Variants in ERC2 observed in about 807,000 individuals in gnomAD.
The protein encoded by ERC2 is ERC protein 2.
ERC2 carries 42 observed loss-of-function variants against 114.8 expected under a neutral mutation model. That is an observed-to-expected ratio of 0.37 (90% CI 0.29 to 0.47). The LOEUF (loss-of-function observed/expected upper bound fraction) is 0.47, where lower values mean the gene tolerates loss of function less well. ERC2 is among the 20% of genes least tolerant of loss of function. The pLI is 0.99. For missense variants in ERC2, 939 were observed against 1,150.7 expected (o/e 0.82, Z 2.66); for synonymous variants, 454 against 425.5 (o/e 1.07, Z -0.82).
chr3:56,318,961 C>CAAA lies in ERC2; in HGVS notation c.658-22529_658-22527dup, dbSNP rs35256298. On this transcript the variant is annotated intron_variant, in intron 2 of 17. Coordinates refer to ENST00000288221, the MANE Select transcript of ERC2 (RefSeq NM_015576.3). ...TGGGTGACACAGTAAGACCCTGTCTCAAAAAAAAAAAAAAAAAAAAAGATA... is the reference window on the plus strand; with the variant it reads ...TGGGTGACACAGTAAGACCCTGTCTCAAAAAAAAAAAAAAAAAAAAAAAAGATA... 1.0e-3 allele frequency among the ~76,000 whole-genome samples: 85 copies of CAAA among 81,540 alleles called. 1 individual carries two copies. Among genetic ancestry groups the CAAA allele is most frequent in the African/African-American group, 3.5e-3 (72 of 20,570 alleles). 53.5% of individuals were successfully genotyped at this position (81,540 alleles called of 152,430 possible). A position where few individuals can be genotyped will look rare whatever the true frequency, so the allele number is the denominator to read the frequency against.
At chr3:56,406,625 A>C (rs944499361) in intron 2 of ERC2, among the ~76,000 whole-genome samples, 2 of 152,160 alleles carry the variant, frequency 1.3e-5, no homozygotes. Context: ...TTCATTTTAC[A>C]CTGAGTCTTG....
intron 17 of ERC2, among the ~76,000 whole-genome samples, chr3:55,567,934 T>C (rs2056476418): frequency 6.6e-6 from 1 of 152,206 alleles, no homozygotes; most frequent in African/African-American, 2.4e-5. Context: ...GGCTTCCCTC[T>C]TTGGGCCCTT....
chr3:56,224,503 T>C (rs2050126773), intron 3 of ERC2, among the ~76,000 whole-genome samples: 1 of 152,130 alleles, frequency 6.6e-6, no homozygotes, highest in African/African-American at 2.4e-5. Context: ...AGGAGAGTAC[T>C]TGTTTATTAT....
At chr3:55,700,916 G>T (rs1053677227) in intron 15 of ERC2, among the ~76,000 whole-genome samples, 5 of 152,076 alleles carry the variant, frequency 3.3e-5, no homozygotes, top group African/African-American at 1.2e-4. Context: ...GAATGAAGGG[G>T]CCATGATTTT....
chr3:55,731,651 A>G (rs1168351246), intron 15 of ERC2, among the ~76,000 whole-genome samples: 1 of 152,222 alleles, frequency 6.6e-6, no homozygotes, highest in Non-Finnish European at 1.5e-5. Context: ...GGTCTCCTTA[A>G]GCATTATGGT....
intron 2 of ERC2, among the ~76,000 whole-genome samples, chr3:56,346,844 C>T (rs1322612865): frequency 6.6e-6 from 1 of 152,128 alleles, no homozygotes; most frequent in Non-Finnish European, 1.5e-5. Flanking sequence ...CTGCATCCTC[C>T]AATGGAGAAA....
intron 3 of ERC2, among the ~76,000 whole-genome samples, chr3:56,183,983 A>C (rs954421331): frequency 2.6e-5 from 4 of 152,176 alleles, no homozygotes; most frequent in Non-Finnish European, 5.9e-5. Flanking sequence ...GAAATAGATA[A>C]ATACAGTAGG....
chr3:55,752,920 T>C (rs756760190), intron 14 of ERC2, among the ~76,000 whole-genome samples: 33 of 152,226 alleles, frequency 2.2e-4, no homozygotes, highest in Non-Finnish European at 2.1e-4. Flanking sequence ...TCAGTCACAA[T>C]GCTGCCGTCA....
At chr3:56,317,217 T>G (rs1194776746) in intron 2 of ERC2, among the ~76,000 whole-genome samples, 1 of 152,120 alleles carries the variant, frequency 6.6e-6, no homozygotes, top group Non-Finnish European at 1.5e-5. Context: ...GATGTGAACC[T>G]TAAGTGAGGC....
chr3:55,586,991 A>C (rs1169558595), intron 17 of ERC2, among the ~76,000 whole-genome samples: 1 of 152,228 alleles, frequency 6.6e-6, no homozygotes, highest in Non-Finnish European at 1.5e-5. Context: ...GTAAACACTA[A>C]ACTGAAGTTA....
At chr3:55,743,242 G>A (rs2066081003) in intron 14 of ERC2, among the ~76,000 whole-genome samples, 2 of 145,088 alleles carry the variant, frequency 1.4e-5, no homozygotes, top group Admixed American at 1.4e-4. Flanking sequence ...CATGAGCCAG[G>A]GAGGTGGCTG....
At chr3:55,949,741 C>T (rs1242639156) in intron 13 of ERC2, among the ~76,000 whole-genome samples, 2 of 152,310 alleles carry the variant, frequency 1.3e-5, no homozygotes, top group South Asian at 2.1e-4. Context: ...CCAACTTGAA[C>T]TGCTCTGTTT....
intron 3 of ERC2, among the ~76,000 whole-genome samples, chr3:56,222,580 C>G (rs1036706481): frequency 6.6e-6 from 1 of 152,150 alleles, no homozygotes; most frequent in East Asian, 1.9e-4. Flanking sequence ...TGTCTTCCCC[C>G]TTTCTGAACC....
intron 17 of ERC2, chr3:55,610,506 AACAC>A (rs1162337654): frequency 0.013 from 1,805 of 137,304 alleles, 26 homozygotes; most frequent in African/African-American, 0.026. Context: ...TCTACGGAAA[AACAC>A]ACACACACAC....
intron 6 of ERC2, among the ~76,000 whole-genome samples, chr3:56,121,940 C>T (rs2079603941): frequency 2.0e-5 from 3 of 152,122 alleles, no homozygotes; most frequent in Admixed American, 2.0e-4. Context: ...TCTATGGATC[C>T]CACCTACAGC....
intron 14 of ERC2, among the ~76,000 whole-genome samples, chr3:55,826,165 A>C (rs1451888042): frequency 6.6e-6 from 1 of 152,362 alleles, no homozygotes; most frequent in East Asian, 1.9e-4. Context: ...CTGAAGCAAT[A>C]CTGGCAAATT....
chr3:55,583,369 GCCTTCTTTCCTTCTTTCTTTCCTT>G (rs1575654481), intron 17 of ERC2, among the ~76,000 whole-genome samples: 2 of 142,548 alleles, frequency 1.4e-5, no homozygotes, highest in East Asian at 2.0e-4. Flanking sequence ...CTGCCTGCCT[GCCTTCTTTCCTTCTTTCTTTCCTT>G]CCTTCTTTCC....
intron 14 of ERC2, among the ~76,000 whole-genome samples, chr3:55,837,937 A>G (rs1425885268): frequency 6.6e-6 from 1 of 151,328 alleles, no homozygotes; most frequent in East Asian, 1.9e-4. Context: ...TATCAGACAA[A>G]GTCAATTTCA....
At chr3:56,179,464 C>T (rs1218792725) in intron 3 of ERC2, among the ~76,000 whole-genome samples, 1 of 152,124 alleles carries the variant, frequency 6.6e-6, no homozygotes, top group Non-Finnish European at 1.5e-5. Context: ...TGTATTGCAG[C>T]ATGGTTTCGG....
Sources: allele counts gnomAD v4.1 joint callset (sites outside exome capture counted in the v4.1 genomes callset), GRCh38; gene constraint gnomAD v4.1.1; transcripts MANE v1.5; gene names NCBI Gene and HGNC (gene_info 2026-07-23, HGNC 2026-07-21).